Variants in SUGCT observed in about 807,000 individuals in gnomAD.
SUGCT encodes succinyl-CoA:glutarate CoA-transferase.
A neutral mutation model predicts 55.0 loss-of-function variants in SUGCT; 41 were observed. The observed-to-expected ratio is 0.74, with a 90% CI of 0.58 to 0.97. The LOEUF (loss-of-function observed/expected upper bound fraction) is 0.97, where lower values mean the gene tolerates loss of function less well. Ranked by LOEUF, SUGCT falls within the 50% of genes least tolerant of loss-of-function variation. The probability of loss-of-function intolerance (pLI) is 0.00; values close to 1 mark genes in which losing one functional copy is unlikely to be tolerated. For synonymous variants in SUGCT, 187 were observed against 200.4 expected, an observed-to-expected ratio of 0.93 and a Z score of 0.56; for missense variants, 568 against 547.8, an observed-to-expected ratio of 1.04 and a Z score of -0.37.
chr7:40,878,283 A>G, the SUGCT span, among the ~76,000 whole-genome samples: 1 of 152,018 alleles, frequency 6.6e-6, no homozygotes, highest in Non-Finnish European at 1.5e-5. Flanking sequence ...TCTGTTTCCT[A>G]GTTATTTCTG....
intron 9 of SUGCT, among the ~76,000 whole-genome samples, chr7:40,448,526 C>T (rs73138916): frequency 0.11 from 16,279 of 151,562 alleles, 1,141 homozygotes; most frequent in Middle Eastern, 0.19. Flanking sequence ...TGCTTAGAAC[C>T]ATCTAAATGA....
intron 12 of SUGCT, among the ~76,000 whole-genome samples, chr7:40,501,094 T>A (rs1792258248): frequency 6.6e-6 from 1 of 152,114 alleles, no homozygotes; most frequent in Admixed American, 6.5e-5. Context: ...GGAAAACTGT[T>A]GGTAAAGATC....
At chr7:40,375,520 T>C (rs538267836) in intron 9 of SUGCT, among the ~76,000 whole-genome samples, 2 of 152,288 alleles carry the variant, frequency 1.3e-5, no homozygotes, top group African/African-American at 4.8e-5. Flanking sequence ...ACATGCTTTA[T>C]TTCCTTCATG....
chr7:40,475,490 C>T (rs1395929745), intron 11 of SUGCT, among the ~76,000 whole-genome samples: 4 of 152,098 alleles, frequency 2.6e-5, no homozygotes, highest in South Asian at 2.1e-4. Flanking sequence ...CTGTTTAAAA[C>T]CAAGCAAAAT....
intron 12 of SUGCT, among the ~76,000 whole-genome samples, chr7:40,702,605 T>G (rs1376010117): frequency 1.3e-5 from 2 of 152,220 alleles, no homozygotes; most frequent in Admixed American, 6.5e-5. Flanking sequence ...TTGAGTCCAC[T>G]TCACTTTAAG....
intron 9 of SUGCT, among the ~76,000 whole-genome samples, chr7:40,444,000 T>G (rs985656590): frequency 1.3e-5 from 2 of 152,206 alleles, no homozygotes; most frequent in African/African-American, 4.8e-5. Flanking sequence ...CATTTCTTGT[T>G]TTTGTCAGGC....
rs117887369 is a variant in SUGCT at position 40,628,480 on chromosome 7, T to C, written c.1090-120954T>C. The stretch of plus-strand genomic sequence containing the variant: ...ATTTAAATTGGGGGTTCCTGTCAGG[T>C]GGGACATCTAGATCAGGCCCTCTGG... On this transcript the variant is annotated intron_variant, in intron 12 of 13. Coordinates refer to ENST00000335693, the MANE Select transcript of SUGCT (RefSeq NM_001193313.2). Among the ~76,000 whole-genome samples, 242 of 152,278 alleles carry C rather than the reference T, an allele frequency of 1.6e-3. 6 individuals carry two copies. In the East Asian group the frequency reaches 0.043, roughly 27 times the overall value.
At chr7:40,770,771 C>G (rs1221134819) in intron 13 of SUGCT, among the ~76,000 whole-genome samples, 1 of 152,164 alleles carries the variant, frequency 6.6e-6, no homozygotes, top group Admixed American at 6.5e-5. Flanking sequence ...TATATAATTC[C>G]TGCTCTAGGA....
At chr7:40,387,015 A>G (rs563196094) in intron 9 of SUGCT, among the ~76,000 whole-genome samples, 6 of 152,266 alleles carry the variant, frequency 3.9e-5, no homozygotes, top group African/African-American at 1.4e-4. Flanking sequence ...CTTTTGGAAA[A>G]CAATAGCCAG....
At chr7:40,475,235 A>T (rs1790600261) in intron 11 of SUGCT, among the ~76,000 whole-genome samples, 1 of 152,098 alleles carries the variant, frequency 6.6e-6, no homozygotes, top group African/African-American at 2.4e-5. Context: ...CTTGTTTTTC[A>T]CGAATCTGAC....
intron 12 of SUGCT, among the ~76,000 whole-genome samples, chr7:40,707,351 G>A (rs554401992): frequency 2.5e-4 from 38 of 151,778 alleles, no homozygotes; most frequent in African/African-American, 8.7e-4. Context: ...ATGTATATGC[G>A]TGTTTTTCTT....
the SUGCT span, among the ~76,000 whole-genome samples, chr7:40,953,953 G>T: frequency 6.6e-6 from 1 of 152,202 alleles, no homozygotes; most frequent in African/African-American, 2.4e-5. Flanking sequence ...ACTCCATGCT[G>T]GGAGAACCAC....
the SUGCT span, among the ~76,000 whole-genome samples, chr7:41,015,908 G>A: frequency 6.6e-6 from 1 of 152,074 alleles, no homozygotes; most frequent in Non-Finnish European, 1.5e-5. Context: ...GTATGTGTGT[G>A]TGGAAGTAGG....
intron 13 of SUGCT, among the ~76,000 whole-genome samples, chr7:40,843,663 A>G (rs752469675): frequency 1.3e-5 from 2 of 152,132 alleles, no homozygotes. Flanking sequence ...TGCTTGGTGA[A>G]CAGCAAGGAG....
intron 11 of SUGCT, among the ~76,000 whole-genome samples, chr7:40,472,244 T>G (rs536570919): frequency 6.6e-6 from 1 of 152,132 alleles, no homozygotes; most frequent in East Asian, 1.9e-4. Flanking sequence ...AAGTACACAA[T>G]TGCAGAGTTG....
chr7:40,462,326 G>C (rs1257531615), intron 11 of SUGCT, among the ~76,000 whole-genome samples: 1 of 152,140 alleles, frequency 6.6e-6, no homozygotes, highest in African/African-American at 2.4e-5. Context: ...GGATCTGAGG[G>C]AGCAAGAGAA....
chr7:40,889,856 C>G, the SUGCT span, among the ~76,000 whole-genome samples: 1 of 152,268 alleles, frequency 6.6e-6, no homozygotes, highest in Admixed American at 6.5e-5. Flanking sequence ...AAGTCTCATG[C>G]ACTATATAAA....
intron 9 of SUGCT, among the ~76,000 whole-genome samples, chr7:40,430,672 G>C (rs1787845599): frequency 6.6e-6 from 1 of 152,130 alleles, no homozygotes; most frequent in Non-Finnish European, 1.5e-5. Flanking sequence ...GTTTGATGTA[G>C]TCTAATTTAT....
chr7:40,880,918 T>C, the SUGCT span, among the ~76,000 whole-genome samples: 2 of 152,216 alleles, frequency 1.3e-5, no homozygotes, highest in African/African-American at 4.8e-5. Context: ...TATTGTGAGG[T>C]AGAGAGAGAA....
Sources: gnomAD v4.1 joint callset for allele counts (sites outside exome capture counted in the v4.1 genomes callset) on GRCh38, gnomAD v4.1.1 for gene constraint, MANE v1.5 for transcripts, NCBI Gene and HGNC (gene_info 2026-07-23, HGNC 2026-07-21) for gene names.